Variants in ASPRV1 observed in about 807,000 individuals in gnomAD.
ASPRV1 encodes the protein aspartic peptidase retroviral like 1.
A neutral mutation model predicts 11.0 loss-of-function variants in ASPRV1; 7 were observed. The ratio of observed to expected loss-of-function variants is 0.64; its 90% CI spans 0.36 to 1.20. ASPRV1 has a LOEUF of 1.20. Among genes scored for constraint, ASPRV1 ranks in the 50% most tolerant of loss-of-function variants. The pLI, the probability that ASPRV1 is intolerant of heterozygous loss-of-function variation, is 0.02. For missense variants in ASPRV1, 299 were observed against 320.0 expected, an observed-to-expected ratio of 0.93 and a Z score of 0.50; for synonymous variants, 136 against 138.4, an observed-to-expected ratio of 0.98 and a Z score of 0.12.
chr2:69,977,820 T>C, the ASPRV1 span, among the ~76,000 whole-genome samples: 1 of 152,088 alleles, frequency 6.6e-6, no homozygotes, highest in Admixed American at 6.6e-5. Flanking sequence ...AAGTGGAAAT[T>C]AGTAACTCCA....
At chr2:70,065,971 G>A in the ASPRV1 span, among the ~76,000 whole-genome samples, 36 of 152,224 alleles carry the variant, frequency 2.4e-4, 1 homozygote, top group South Asian at 5.6e-3. Context: ...ATTTCAGGAG[G>A]CTGAGGTGGG....
chr2:69,946,233 C>T, the ASPRV1 span, among the ~76,000 whole-genome samples: 1 of 152,340 alleles, frequency 6.6e-6, no homozygotes, highest in South Asian at 2.1e-4. Context: ...TAATGACCAA[C>T]AGAGACCAAT....
chr2:69,998,455 T>G, the ASPRV1 span, among the ~76,000 whole-genome samples: 1 of 152,126 alleles, frequency 6.6e-6, no homozygotes. Context: ...AAGAATTCTT[T>G]CTGGTGCCGG....
the ASPRV1 span, among the ~76,000 whole-genome samples, chr2:70,033,276 AACACAC>A: frequency 2.0e-3 from 280 of 141,598 alleles, no homozygotes; most frequent in East Asian, 0.012. Context: ...TCAAACAGAA[AACACAC>A]ACACACACAC....
the ASPRV1 span, among the ~76,000 whole-genome samples, chr2:70,075,589 G>A: frequency 3.3e-5 from 5 of 152,160 alleles, no homozygotes; most frequent in African/African-American, 1.2e-4. Context: ...GCTCACGCCT[G>A]TAATCCCAGC....
upstream of ASPRV1, chr2:69,961,755 C>T: frequency 6.7e-7 from 1 of 1,486,446 alleles, no homozygotes; most frequent in Non-Finnish European, 9.0e-7. Flanking sequence ...GCCGGACTAG[C>T]AGGATGGGTG....
At chr2:70,050,526 T>C in the ASPRV1 span, 4 of 151,812 alleles carry the variant, frequency 2.6e-5, no homozygotes, top group Non-Finnish European at 5.9e-5. Context: ...TACCTAAAAA[T>C]GTAAAATTTG....
chr2:70,003,227 G>A, the ASPRV1 span: 2 of 152,228 alleles, frequency 1.3e-5, no homozygotes, highest in African/African-American at 4.8e-5. Context: ...ATGAGCACAT[G>A]TGAGAGGCTT....
chr2:70,065,234 C>T, the ASPRV1 span, among the ~76,000 whole-genome samples: 2 of 151,204 alleles, frequency 1.3e-5, no homozygotes, highest in East Asian at 1.9e-4. Flanking sequence ...CGGTGAAATC[C>T]CGTCTCTACT....
chr2:70,034,528 G>A, the ASPRV1 span, among the ~76,000 whole-genome samples: 2 of 150,572 alleles, frequency 1.3e-5, no homozygotes, highest in East Asian at 2.0e-4. Context: ...CAGGGATTGC[G>A]CCACTGCACT....
chr2:70,023,666 T>A, the ASPRV1 span, among the ~76,000 whole-genome samples: 2 of 138,694 alleles, frequency 1.4e-5, no homozygotes, highest in African/African-American at 6.2e-5. Context: ...GGAGCAAGAC[T>A]CTGTCTCAAA....
chr2:70,054,392 G>A, the ASPRV1 span, among the ~76,000 whole-genome samples: 5 of 151,762 alleles, frequency 3.3e-5, no homozygotes, highest in African/African-American at 1.2e-4. Flanking sequence ...TCAAGACCAC[G>A]GTGAAACCCC....
At chr2:70,024,339 G>C in the ASPRV1 span, among the ~76,000 whole-genome samples, 3 of 152,216 alleles carry the variant, frequency 2.0e-5, no homozygotes, top group Non-Finnish European at 2.9e-5. Context: ...AAGGCAGTCA[G>C]AACTAGTAAG....
chr2:69,960,635 A>T lies in ASPRV1; in HGVS notation c.*22T>A, dbSNP rs1202318789. ...GTGGGTCTTCCCACCAATATTTAGG[A>T]GGTTAAAGAAAAGGTGGCTTCTCAG... On this transcript the variant is annotated 3_prime_UTR_variant, in exon 1 of 1. Transcript: ENST00000320256. 10 of 1,592,334 alleles carry T rather than the reference A, an allele frequency of 6.3e-6. No individual in the cohort carries two copies. Among genetic ancestry groups the T allele is most frequent in the Non-Finnish European group, 8.5e-6 (10 of 1,170,720 alleles).
the ASPRV1 span, among the ~76,000 whole-genome samples, chr2:70,066,751 G>C: frequency 5.9e-5 from 9 of 151,940 alleles, no homozygotes; most frequent in Non-Finnish European, 8.8e-5. Context: ...ATGTTCACCA[G>C]CACCACACTT....
the ASPRV1 span, among the ~76,000 whole-genome samples, chr2:70,043,263 C>G: frequency 6.6e-6 from 1 of 152,012 alleles, no homozygotes; most frequent in East Asian, 1.9e-4. Context: ...ACTAAAAATA[C>G]AAAAATTAGC....
rs763269509 is a variant in ASPRV1 at position 69,961,612 on chromosome 2, G to A, written c.-176C>T. The A allele has an allele frequency of 4.3e-6, 7 of 1,609,298 alleles. No homozygotes were observed. The highest frequency in any genetic ancestry group is 5.1e-6 in the Non-Finnish European group (6 of 1,177,356). On this transcript the variant is annotated 5_prime_UTR_variant, in exon 1 of 1. Transcript: ENST00000320256. ...CGCGGTCGGCTGGCTGACTGCTGGG[G>A]CAGAGGCAGGCAGTGCTGTGGCCTG...
chr2:69,978,869 A>C, the ASPRV1 span, among the ~76,000 whole-genome samples: 1 of 152,124 alleles, frequency 6.6e-6, no homozygotes, highest in Non-Finnish European at 1.5e-5. Flanking sequence ...GGTCTGTGCC[A>C]TTTGGACAAG....
At chr2:69,942,708 A>C in the ASPRV1 span, 1 of 152,236 alleles carries the variant, frequency 6.6e-6, no homozygotes, top group Non-Finnish European at 1.5e-5. Flanking sequence ...TGCTACACAC[A>C]GCCTGACAGG....
Sources: gnomAD v4.1 joint callset for allele counts (sites outside exome capture counted in the v4.1 genomes callset) on GRCh38, gnomAD v4.1.1 for gene constraint, MANE v1.5 for transcripts, NCBI Gene and HGNC (gene_info 2026-07-23, HGNC 2026-07-21) for gene names.